The following WHAMM variants were observed in gnomAD, a reference collection of about 807,000 sequenced individuals.
The protein encoded by WHAMM is WASP homolog associated with actin, golgi membranes and microtubules, also known as WASP homolog-associated protein with actin, membranes and microtubules.
In WHAMM, 67 loss-of-function variants were observed where a neutral mutation model predicts 76.5. The ratio of observed to expected loss-of-function variants is 0.88; its 90% confidence interval spans 0.72 to 1.07. The LOEUF (loss-of-function observed/expected upper bound fraction) is 1.07, where lower values mean the gene tolerates loss of function less well. Among genes scored for constraint, WHAMM ranks in the 50% least tolerant of loss-of-function variants. WHAMM has a pLI of 0.00. For synonymous variants in WHAMM, 419 were observed against 422.1 expected (o/e 0.99, Z 0.09); for missense variants, 1,021 against 1,051.1 (o/e 0.97, Z 0.40).
intron 2 of WHAMM, among the ~76,000 whole-genome samples, chr15:82,816,243 T>C (rs1365716667): frequency 1.3e-5 from 2 of 152,210 alleles, no homozygotes; most frequent in East Asian, 1.9e-4. Flanking sequence ...GTACATGTTA[T>C]AAGCATGAAT....
At chr15:82,832,886 C>G (rs191899152) in intron 9 of WHAMM, among the ~76,000 whole-genome samples, 1 of 152,286 alleles carries the variant, frequency 6.6e-6, no homozygotes, top group Admixed American at 6.5e-5. Flanking sequence ...GACTATTCCA[C>G]CCCAGGCCTC....
At chr15:82,824,857 A>G (rs1439647559) in intron 6 of WHAMM, among the ~76,000 whole-genome samples, 1 of 152,212 alleles carries the variant, frequency 6.6e-6, no homozygotes, top group Non-Finnish European at 1.5e-5. Flanking sequence ...TGTAAATACA[A>G]ATACTTAAGA....
intron 5 of WHAMM, 26 bp downstream of exon 5, chr15:82,819,514 A>G (rs771936840): frequency 4.6e-5 from 51 of 1,098,406 alleles, no homozygotes; most frequent in Non-Finnish European, 5.4e-5. Flanking sequence ...ATAGATTGCA[A>G]TGTTTAAATT....
intron 1 of WHAMM, chr15:82,810,738 T>C (rs1168631887): frequency 3.0e-6 from 3 of 985,294 alleles, no homozygotes; most frequent in Non-Finnish European, 3.6e-6. Context: ...TGAGGGGACG[T>C]CGCAAATGGG....
rs888319726 is a variant in WHAMM at position 82,834,837 on chromosome 15, A to G, written c.*1301A>G. 5 of 152,228 alleles carry G rather than the reference A, an allele frequency of 3.3e-5. No individual in the cohort carries two copies. Among genetic ancestry groups the G allele is most frequent in the African/African-American group, 1.2e-4 (5 of 41,468 alleles). The allele number at this position is 152,228 out of a possible 1,614,324, so 9.4% of individuals were successfully genotyped here. ...GAAAGTTTTTAATAAAATTTTAGCT[A>G]AACATTTGTTTAAGTGAATACTAAG... On this transcript the variant is annotated 3_prime_UTR_variant, in exon 10 of 10. Coordinates refer to ENST00000286760, the MANE Select transcript of WHAMM (RefSeq NM_001080435.3).
At chr15:82,814,766 C>CTTTTTTTTTTTT (rs773443880) in intron 2 of WHAMM, among the ~76,000 whole-genome samples, 1 of 94,770 alleles carries the variant, frequency 1.1e-5, no homozygotes, top group African/African-American at 4.5e-5. Flanking sequence ...TTTTTCCTTT[C>CTTTTTTTTTTTT]TTTTTTTTTT....
At chr15:82,810,573 T>C (rs1166788682) in intron 1 of WHAMM, 1 of 985,322 alleles carries the variant, frequency 1.0e-6, no homozygotes, top group Non-Finnish European at 1.2e-6. Flanking sequence ...TACTTGCAGC[T>C]GGGAGCTGGG....
rs192970312 is a variant in WHAMM at position 82,824,627 on chromosome 15, G to A, written c.1458+1340G>A. ...TGAGTCACAGCGCCTGGCCACACCCGGCTAATTTTTGTATTTTTAGTAGAG... is the reference window on the plus strand; with the variant it reads ...TGAGTCACAGCGCCTGGCCACACCCAGCTAATTTTTGTATTTTTAGTAGAG... On this transcript the variant is annotated intron_variant, in intron 6 of 9. Coordinates refer to ENST00000286760, the MANE Select transcript of WHAMM (RefSeq NM_001080435.3). Among the ~76,000 whole-genome samples, 178 of 151,896 alleles carry A rather than the reference G, an allele frequency of 1.2e-3. No homozygotes were observed. The Middle Eastern group carries it at 0.014, about 12-fold the overall frequency.
chr15:82,823,197 G>A lies in WHAMM; in HGVS notation c.1368G>A (p.Leu456=), dbSNP rs891617852. The A allele has an allele frequency of 6.3e-7, 1 of 1,584,242 alleles. No homozygotes were observed. Among genetic ancestry groups the A allele is most frequent in the Non-Finnish European group, 8.6e-7 (1 of 1,162,464 alleles). The change falls in exon 6 of 10, where the codon TTG becomes TTA. Residue 456 remains leucine (L), a synonymous_variant. Transcript: ENST00000286760. ...CVVGLQDDKN[L]EVKELRRQCQ... ...TGGGGCTGCAGGATGATAAGAATTT[G>A]GAAGTGAAAGAACTCAGAAGGCAGT...
In WHAMM at chr15:82,833,446, C is replaced by T. The variant is rs2051071532; in HGVS notation, c.2340C>T (p.Ser780=). 1 of 1,613,902 alleles carries T rather than the reference C, an allele frequency of 6.2e-7. No individual in the cohort carries two copies. Among genetic ancestry groups the T allele is most frequent in the Admixed American group, 1.7e-5 (1 of 60,006 alleles). The change falls in exon 10 of 10, where the codon AGC becomes AGT. Residue 780 remains serine (S), a synonymous_variant. Coordinates refer to ENST00000286760, the MANE Select transcript of WHAMM (RefSeq NM_001080435.3). Reference sequence around the variant, plus strand: ...GACGCACCAGTGACCTTGAGAGGAGCATCAAGGCTGCGCTCCAGAGAATCA... The same window carrying T: ...GACGCACCAGTGACCTTGAGAGGAGTATCAAGGCTGCGCTCCAGAGAATCA... ...SNRRTSDLER[S]IKAALQRIKR...
At chr15:82,821,440 C>T (rs552906069) in intron 5 of WHAMM, among the ~76,000 whole-genome samples, 240 of 152,236 alleles carry the variant, frequency 1.6e-3, no homozygotes, top group African/African-American at 5.5e-3. Context: ...AGGAATTGAA[C>T]CTTTCCCTCA....
intron 4 of WHAMM, among the ~76,000 whole-genome samples, chr15:82,818,291 CTCT>C (rs1207441145): frequency 6.6e-6 from 1 of 152,156 alleles, no homozygotes; most frequent in Non-Finnish European, 1.5e-5. Context: ...CACCCTCTTA[CTCT>C]TCTGAGTCTC....
chr15:82,827,127 A>C (rs2050949221), intron 8 of WHAMM, among the ~76,000 whole-genome samples: 1 of 152,178 alleles, frequency 6.6e-6, no homozygotes, highest in Non-Finnish European at 1.5e-5. Context: ...CTGGTGGTTT[A>C]GATTGGCAGG....
intron 9 of WHAMM, among the ~76,000 whole-genome samples, chr15:82,832,221 TAAG>T (rs2051042120): frequency 1.3e-5 from 2 of 152,204 alleles, no homozygotes; most frequent in African/African-American, 4.8e-5. Context: ...CAGGAAAGAA[TAAG>T]AAAGTGTGAA....
At chr15:82,812,447 C>T (rs2050644375) in intron 1 of WHAMM, among the ~76,000 whole-genome samples, 1 of 152,130 alleles carries the variant, frequency 6.6e-6, no homozygotes, top group African/African-American at 2.4e-5. Flanking sequence ...CCAGGATGGT[C>T]TCGATCTCCT....
In WHAMM at chr15:82,809,901, GC is replaced by G. The variant is rs769495486; in HGVS notation, c.178del (p.Arg60GlyfsTer156). On this transcript the variant is annotated frameshift_variant, in exon 1 of 10. Coordinates refer to ENST00000286760, the MANE Select transcript of WHAMM (RefSeq NM_001080435.3). LOFTEE classifies it high-confidence loss of function. Reference sequence around the variant, plus strand: ...GCAGCAGCGGCGGCTGCGCGAGGGGGCCCGGTTGGGGCCCGAGCCCGAGCCC... The same window carrying G: ...GCAGCAGCGGCGGCTGCGCGAGGGGGCCGGTTGGGGCCCGAGCCCGAGCCC... ...TAQQRRLREG[A>X]RLGPEPEPKP... is the part of the protein sequence containing the mutation. 1.9e-6 allele frequency: 3 copies of G among 1,545,962 alleles called. No individual in the cohort carries two copies. The highest frequency in any genetic ancestry group is 2.6e-6 in the Non-Finnish European group (3 of 1,144,058).
chr15:82,822,717 C>T (rs557884687), intron 5 of WHAMM, among the ~76,000 whole-genome samples: 3 of 152,254 alleles, frequency 2.0e-5, no homozygotes, highest in South Asian at 4.1e-4. Context: ...GGATTACAGG[C>T]GTGAGCCCCT....
intron 8 of WHAMM, 115 bp from the exon 9 acceptor site, chr15:82,830,484 G>T: frequency 6.8e-7 from 1 of 1,464,350 alleles, no homozygotes; most frequent in Non-Finnish European, 9.1e-7. Context: ...GAGTCACTTT[G>T]TGAATTAGAC....
intron 4 of WHAMM, among the ~76,000 whole-genome samples, chr15:82,818,747 T>G (rs751971637): frequency 1.9e-4 from 29 of 152,346 alleles, no homozygotes; most frequent in Non-Finnish European, 2.9e-4. Context: ...ACAGATTGGG[T>G]GGCTTAAACA....
Sources: allele counts gnomAD v4.1 joint callset (sites outside exome capture counted in the v4.1 genomes callset), GRCh38; gene constraint gnomAD v4.1.1; transcripts MANE v1.5; gene names NCBI Gene and HGNC (gene_info 2026-07-23, HGNC 2026-07-21).